ABCB1: variants seen among roughly 807,000 people sequenced by gnomAD.
ABCB1 encodes ATP binding cassette subfamily B member 1.
ABCB1 carries 69 observed loss-of-function variants against 142.0 expected under a neutral mutation model. The observed-to-expected ratio is 0.49, with a 90% CI of 0.40 to 0.59. The LOEUF (loss-of-function observed/expected upper bound fraction) is 0.59. Among genes scored for constraint, ABCB1 ranks in the 20% least tolerant of loss-of-function variants. ABCB1 has a pLI of 0.00. For synonymous variants in ABCB1, 532 were observed against 539.2 expected, an observed-to-expected ratio of 0.99 and a Z score of 0.18; for missense variants, 1,326 against 1,554.7, an observed-to-expected ratio of 0.85 and a Z score of 2.47.
At chr7:87,556,852 G>GC (rs1445347004) in intron 8 of ABCB1, among the ~76,000 whole-genome samples, 2 of 151,942 alleles carry the variant, frequency 1.3e-5, no homozygotes, top group Non-Finnish European at 1.5e-5. Context: ...CCACATTCTG[G>GC]CCCCTGCCCA....
chr7:87,710,509 G>T (rs1435311760), intron 1 of ABCB1: 8 of 907,418 alleles, frequency 8.8e-6, no homozygotes, highest in Non-Finnish European at 1.4e-5. Flanking sequence ...ATTTTTGATG[G>T]CACAGTGGCA....
At chr7:87,672,059 C>T (rs1825872978) in intron 1 of ABCB1, among the ~76,000 whole-genome samples, 1 of 152,158 alleles carries the variant, frequency 6.6e-6, no homozygotes, top group Non-Finnish European at 1.5e-5. Flanking sequence ...TGCTCAGACT[C>T]TCCAAATCCC....
chr7:87,694,904 G>A (rs1024657655), intron 1 of ABCB1, among the ~76,000 whole-genome samples: 1 of 152,084 alleles, frequency 6.6e-6, no homozygotes, highest in African/African-American at 2.4e-5. Context: ...TTGACTAATT[G>A]TTATGGCATA....
At chr7:87,655,651 G>A (rs546226674) in intron 1 of ABCB1, among the ~76,000 whole-genome samples, 17 of 152,248 alleles carry the variant, frequency 1.1e-4, no homozygotes, top group African/African-American at 4.1e-4. Flanking sequence ...TGTACAAAAT[G>A]TTGACTATAG....
At chr7:87,522,403 C>T (rs1287283585) in intron 21 of ABCB1, 2 of 681,470 alleles carry the variant, frequency 2.9e-6, no homozygotes, top group Non-Finnish European at 2.7e-6. Context: ...ACAGCAGTGG[C>T]AGAAGATTTT....
chr7:87,521,630 A>C, intron 21 of ABCB1: 1 of 781,620 alleles, frequency 1.3e-6, no homozygotes, highest in South Asian at 1.3e-5. Flanking sequence ...CGCTCAAGGG[A>C]CTTTGGGTTT....
At position 87,544,793 on chromosome 7, in the gene ABCB1, T is replaced by C. The variant is rs756910860; in HGVS notation, c.2064+30A>G. On this transcript the variant is annotated intron_variant, in intron 16 of 27. Coordinates refer to ENST00000622132, the MANE Select transcript of ABCB1 (RefSeq NM_001348946.2). The stretch of plus-strand genomic sequence containing the variant: ...AACTAGGGAACCACAGTTAGTGAGA[T>C]TAAAACAAACTCCGCATCTCCCTTC... 3.7e-6 allele frequency: 6 copies of C among 1,612,762 alleles called. No homozygotes were observed. In the East Asian group the frequency reaches 1.3e-4, roughly 36 times the overall value.
At chr7:87,688,582 T>C (rs1357267536) in intron 1 of ABCB1, among the ~76,000 whole-genome samples, 1 of 152,006 alleles carries the variant, frequency 6.6e-6, no homozygotes, top group Non-Finnish European at 1.5e-5. Context: ...TGATCAGTAG[T>C]GACCTTTTTT....
At chr7:87,696,781 A>T (rs536763685) in intron 1 of ABCB1, among the ~76,000 whole-genome samples, 1 of 152,274 alleles carries the variant, frequency 6.6e-6, no homozygotes, top group Admixed American at 6.5e-5. Context: ...GAAAGTCATG[A>T]TGATATGCCG....
chr7:87,708,202 A>G (rs532074250), intron 1 of ABCB1, among the ~76,000 whole-genome samples: 140 of 152,260 alleles, frequency 9.2e-4, no homozygotes, highest in South Asian at 3.3e-3. Context: ...CAACCAAACT[A>G]AAAGTGTTTT....
chr7:87,539,201 G>A, intron 19 of ABCB1, 67 bp downstream of exon 19: 1 of 1,509,084 alleles, frequency 6.6e-7, no homozygotes, highest in Non-Finnish European at 9.2e-7. Flanking sequence ...AGCTCCCACT[G>A]TCTGAGTCCA....
At chr7:87,572,700 T>C (rs1199229100) in intron 4 of ABCB1, among the ~76,000 whole-genome samples, 1 of 152,156 alleles carries the variant, frequency 6.6e-6, no homozygotes, top group Non-Finnish European at 1.5e-5. Flanking sequence ...ATAGATGCCA[T>C]GGAATACTAT....
At chr7:87,675,363 T>C (rs568013845) in intron 1 of ABCB1, among the ~76,000 whole-genome samples, 1 of 152,196 alleles carries the variant, frequency 6.6e-6, no homozygotes, top group East Asian at 1.9e-4. Flanking sequence ...TTTCCTAAAA[T>C]TTATATCAAA....
At chr7:87,548,358 GGGAA>G (rs928793342) in intron 14 of ABCB1, among the ~76,000 whole-genome samples, 11 of 150,490 alleles carry the variant, frequency 7.3e-5, no homozygotes, top group East Asian at 1.9e-4. Context: ...GAGGGAGGGA[GGGAA>G]GGAAGGAAGG....
intron 5 of ABCB1, among the ~76,000 whole-genome samples, chr7:87,568,247 A>C (rs1004344965): frequency 1.5e-5 from 2 of 131,064 alleles, no homozygotes; most frequent in African/African-American, 3.1e-5. Flanking sequence ...TACGACAATA[A>C]TAATAATAAT....
intron 27 of ABCB1, 61 bp from the exon 28 acceptor site, chr7:87,504,510 TA>T: frequency 1.3e-6 from 2 of 1,596,342 alleles, no homozygotes; most frequent in Middle Eastern, 3.7e-4. Context: ...TCCTCTTCCA[TA>T]AAAAGCTCCA....
intron 22 of ABCB1, among the ~76,000 whole-genome samples, chr7:87,520,365 C>T (rs1229339927): frequency 6.6e-6 from 1 of 152,132 alleles, no homozygotes; most frequent in African/African-American, 2.4e-5. Flanking sequence ...GGAAGAAGGT[C>T]TGCACTGGAG....
rs1361393712 is a variant in ABCB1, at chr7:87,655,604, A to T, written c.-330-54526T>A. On this transcript the variant is annotated intron_variant, in intron 1 of 28. Transcript: ENST00000265724. ...GAGAGATGTTGGTTAAAGGATATAA[A>T]AATTCAGTTAAAAGGAAATAAGTTC... 3.3e-5 allele frequency among the ~76,000 whole-genome samples: 5 copies of T among 152,298 alleles called. No homozygotes were observed. In the East Asian group the frequency reaches 9.6e-4, roughly 29 times the overall value.
intron 1 of ABCB1, among the ~76,000 whole-genome samples, chr7:87,647,141 C>A (rs988564979): frequency 3.3e-5 from 5 of 152,164 alleles, no homozygotes; most frequent in African/African-American, 1.2e-4. Flanking sequence ...ATTCTCGTTT[C>A]ATAGGAGAGT....
Sources: gnomAD v4.1 joint callset for allele counts (sites outside exome capture counted in the v4.1 genomes callset) on GRCh38, gnomAD v4.1.1 for gene constraint, MANE v1.5 for transcripts, NCBI Gene and HGNC (gene_info 2026-07-23, HGNC 2026-07-21) for gene names.